The following SUGCT variants were observed in gnomAD, a reference collection of about 807,000 sequenced individuals.
The protein encoded by SUGCT is succinyl-CoA:glutarate CoA-transferase.
A neutral mutation model predicts 55.0 loss-of-function variants in SUGCT; 41 were observed. The ratio of observed to expected loss-of-function variants is 0.74; its 90% confidence interval spans 0.58 to 0.97. The LOEUF (loss-of-function observed/expected upper bound fraction) is 0.97. Ranked by LOEUF, SUGCT falls within the 50% of genes least tolerant of loss-of-function variation. SUGCT has a pLI of 0.00. For synonymous variants in SUGCT, 187 were observed against 200.4 expected (o/e 0.93, Z 0.56); for missense variants, 568 against 547.8 (o/e 1.04, Z -0.37).
chr7:40,843,808 T>G (rs1451626681), intron 13 of SUGCT, among the ~76,000 whole-genome samples: 1 of 152,036 alleles, frequency 6.6e-6, no homozygotes, highest in African/African-American at 2.4e-5. Context: ...AGCCTCACAG[T>G]GTTTTGAGCA....
At chr7:40,140,487 G>GC (rs1015664088) in intron 1 of SUGCT, among the ~76,000 whole-genome samples, 1 of 151,986 alleles carries the variant, frequency 6.6e-6, no homozygotes, top group African/African-American at 2.4e-5. Context: ...TGCAACCTCC[G>GC]CCCCCCGGGT....
intron 9 of SUGCT, among the ~76,000 whole-genome samples, chr7:40,395,375 G>A (rs1785666008): frequency 6.6e-6 from 1 of 150,774 alleles, no homozygotes; most frequent in Non-Finnish European, 1.5e-5. Context: ...TGTAATTCCA[G>A]CTACTTGGGA....
chr7:40,570,373 G>T lies in SUGCT; in HGVS notation c.1089+73987G>T, dbSNP rs76116030. ...AAGGCCCAGCCATGTTGAGAATGGG[G>T]AGAATGGAGTTCCCAGCAGGGAGAA... On this transcript the variant is annotated intron_variant, in intron 12 of 13. Transcript: ENST00000335693. Among the ~76,000 whole-genome samples the T allele has an allele frequency of 6.8e-3, 1,030 of 152,314 alleles. 16 individuals carry two copies. Among genetic ancestry groups the T allele is most frequent in the African/African-American group, 0.023 (957 of 41,564 alleles).
chr7:40,539,773 G>A (rs757991208), intron 12 of SUGCT: 3 of 152,228 alleles, frequency 2.0e-5, no homozygotes, highest in South Asian at 2.1e-4. Flanking sequence ...AGAAAAATGC[G>A]TTTGACATTT....
intron 13 of SUGCT, among the ~76,000 whole-genome samples, chr7:40,854,607 T>C (rs1794074227): frequency 6.6e-6 from 1 of 152,066 alleles, no homozygotes; most frequent in East Asian, 1.9e-4. Context: ...ATTTGATTAA[T>C]CATTTAACTG....
At chr7:40,747,426 A>C (rs772557560) in intron 12 of SUGCT, among the ~76,000 whole-genome samples, 1 of 152,230 alleles carries the variant, frequency 6.6e-6, no homozygotes, top group Non-Finnish European at 1.5e-5. Flanking sequence ...CGAGTTTAAC[A>C]AAGTGAGAAA....
intron 12 of SUGCT, among the ~76,000 whole-genome samples, chr7:40,602,153 T>C (rs1483780116): frequency 6.6e-6 from 1 of 152,156 alleles, no homozygotes; most frequent in Non-Finnish European, 1.5e-5. Context: ...TAGGATCAGA[T>C]TATAGGTCAA....
chr7:40,548,821 G>A (rs960596461), intron 12 of SUGCT, among the ~76,000 whole-genome samples: 1 of 152,004 alleles, frequency 6.6e-6, no homozygotes, highest in Admixed American at 6.5e-5. Flanking sequence ...CTAAAAACCC[G>A]CTGGCTCTTC....
chr7:40,213,316 T>G (rs954213089), intron 6 of SUGCT, among the ~76,000 whole-genome samples: 12 of 152,204 alleles, frequency 7.9e-5, no homozygotes, highest in African/African-American at 2.7e-4. Context: ...TTTTTTGACC[T>G]TGACAGTTGT....
chr7:40,383,741 C>T (rs964872979), intron 9 of SUGCT, among the ~76,000 whole-genome samples: 3 of 152,102 alleles, frequency 2.0e-5, no homozygotes, highest in Non-Finnish European at 2.9e-5. Flanking sequence ...TGGTCTTAAA[C>T]GTGAAAATGA....
At chr7:40,904,160 G>A in the SUGCT span, among the ~76,000 whole-genome samples, 1 of 152,244 alleles carries the variant, frequency 6.6e-6, no homozygotes, top group Non-Finnish European at 1.5e-5. Flanking sequence ...TTAAGTAGCA[G>A]CGAGTACTTT....
chr7:40,393,849 A>G (rs1785576597), intron 9 of SUGCT, among the ~76,000 whole-genome samples: 1 of 152,210 alleles, frequency 6.6e-6, no homozygotes, highest in Non-Finnish European at 1.5e-5. Flanking sequence ...ATCTGGAGGA[A>G]GAAGGAAGCA....
In SUGCT at chr7:40,149,963, T is replaced by C. The variant is rs531207296; in HGVS notation, c.100+14843T>C. ...CAAAAATTAGCAGGGTGTGCTGGTG[T>C]GTCCCTGTACTCCCAGCTACTCAGG... On this transcript the variant is annotated intron_variant, in intron 1 of 13. Transcript: ENST00000335693. Among the ~76,000 whole-genome samples, 15 of 151,978 alleles carry C rather than the reference T, an allele frequency of 9.9e-5. No homozygotes were observed. The East Asian group carries it at 2.9e-3, about 29-fold the overall frequency.
the SUGCT span, among the ~76,000 whole-genome samples, chr7:40,923,030 G>A: frequency 3.3e-5 from 5 of 152,216 alleles, no homozygotes; most frequent in Non-Finnish European, 7.3e-5. Flanking sequence ...AGAAAGCTGA[G>A]ATGGGTGGAG....
At chr7:40,482,628 A>G (rs1791115594) in intron 11 of SUGCT, among the ~76,000 whole-genome samples, 1 of 152,170 alleles carries the variant, frequency 6.6e-6, no homozygotes, top group Non-Finnish European at 1.5e-5. Flanking sequence ...TAATGTGGGT[A>G]ACTTTCCTAT....
intron 7 of SUGCT, among the ~76,000 whole-genome samples, chr7:40,252,458 A>G (rs1790493205): frequency 1.3e-5 from 2 of 152,070 alleles, no homozygotes; most frequent in Admixed American, 6.6e-5. Flanking sequence ...TGTTTGGGGT[A>G]CCTTTCAAAC....
At chr7:40,716,676 GGT>G (rs1219638292) in intron 12 of SUGCT, among the ~76,000 whole-genome samples, 5 of 151,882 alleles carry the variant, frequency 3.3e-5, no homozygotes, top group Non-Finnish European at 5.9e-5. Flanking sequence ...AGAAAACTAA[GGT>G]AAGCGTTTAT....
At chr7:40,978,471 C>T in the SUGCT span, among the ~76,000 whole-genome samples, 1 of 152,178 alleles carries the variant, frequency 6.6e-6, no homozygotes, top group African/African-American at 2.4e-5. Context: ...ATATTGAGGG[C>T]ACACCAAGAC....
intron 9 of SUGCT, among the ~76,000 whole-genome samples, chr7:40,336,855 A>C (rs1234952080): frequency 6.7e-6 from 1 of 149,036 alleles, no homozygotes; most frequent in African/African-American, 2.6e-5. Flanking sequence ...TGTCAATTTT[A>C]GATCTTTCCT....
Sources: allele counts gnomAD v4.1 joint callset (sites outside exome capture counted in the v4.1 genomes callset), GRCh38; gene constraint gnomAD v4.1.1; transcripts MANE v1.5; gene names NCBI Gene and HGNC (gene_info 2026-07-23, HGNC 2026-07-21).